Variants in FMN1 observed in about 807,000 individuals in gnomAD.
The protein encoded by FMN1 is formin-1.
In FMN1, 110 loss-of-function variants were observed where a neutral mutation model predicts 132.4. That is an observed-to-expected ratio of 0.83 (90% CI 0.71 to 0.97). FMN1 has a LOEUF of 0.97. Ranked by LOEUF, FMN1 falls within the 50% of genes least tolerant of loss-of-function variation. The pLI is 0.00. For missense variants in FMN1, 1,792 were observed against 1,705.3 expected (o/e 1.05, Z -0.90); for synonymous variants, 722 against 651.7 (o/e 1.11, Z -1.64).
intron 6 of FMN1, among the ~76,000 whole-genome samples, chr15:33,029,550 T>C (rs2035838751): frequency 6.6e-6 from 1 of 151,932 alleles, no homozygotes; most frequent in African/African-American, 2.4e-5. Context: ...GTTGTATTAG[T>C]TTTCCTCAAT....
intron 18 of FMN1, among the ~76,000 whole-genome samples, chr15:32,803,686 TA>T (rs1317621606): frequency 6.6e-6 from 1 of 152,156 alleles, no homozygotes; most frequent in Non-Finnish European, 1.5e-5. Context: ...AGGAAAGACA[TA>T]ATAAGTCTCT....
In FMN1 at chr15:33,065,001, G is replaced by A. The variant is rs761198991; in HGVS notation, c.2117C>T (p.Thr706Ile). Residue 706 changes from threonine (T) to isoleucine (I), a missense_variant, in exon 6 of 21, where the codon ACA becomes ATA. Thr to Ile is a moderately conservative substitution (Grantham distance 89). Coordinates refer to ENST00000616417, the MANE Select transcript of FMN1 (RefSeq NM_001277313.2). ...TCCCACTTTTTCTTCTGTGTCTTTT[G>A]TCTTTGGGGGTGGCCAGACAGCTTG... is the stretch of plus-strand genomic sequence containing the variant. ...RLQAVWPPPKTKDTEEKVGLK... is the reference protein window; with the variant it reads ...RLQAVWPPPKIKDTEEKVGLK... The A allele has an allele frequency of 1.3e-5, 21 of 1,611,898 alleles. No individual in the cohort carries two copies. Among genetic ancestry groups the A allele is most frequent in the Non-Finnish European group, 1.8e-5 (21 of 1,179,120 alleles).
chr15:32,952,935 C>T (rs905639939), intron 9 of FMN1, among the ~76,000 whole-genome samples: 3 of 152,130 alleles, frequency 2.0e-5, no homozygotes, highest in Non-Finnish European at 4.4e-5. Flanking sequence ...GTCTCACGTC[C>T]GTGTCAAATT....
At chr15:32,937,131 G>A (rs997695915) in intron 9 of FMN1, among the ~76,000 whole-genome samples, 1 of 152,048 alleles carries the variant, frequency 6.6e-6, no homozygotes, top group Non-Finnish European at 1.5e-5. Flanking sequence ...AAGGGTGAGG[G>A]GCAATTGCAC....
chr15:33,067,487 T>A, intron 5 of FMN1: 1 of 1,613,954 alleles, frequency 6.2e-7, no homozygotes, highest in Non-Finnish European at 8.5e-7. Context: ...ACAAATGACA[T>A]CGTCTTTTGT....
intron 9 of FMN1, among the ~76,000 whole-genome samples, chr15:32,959,918 T>C (rs1296300012): frequency 6.6e-6 from 1 of 152,190 alleles, no homozygotes; most frequent in Non-Finnish European, 1.5e-5. Context: ...CGATCCTGCA[T>C]AAGAAAGCAT....
At chr15:33,117,032 G>A (rs758011319) in intron 4 of FMN1, among the ~76,000 whole-genome samples, 4 of 152,122 alleles carry the variant, frequency 2.6e-5, no homozygotes, top group African/African-American at 4.8e-5. Context: ...AAATTTCAGA[G>A]GAGCTATGGA....
intron 4 of FMN1, among the ~76,000 whole-genome samples, chr15:33,141,218 C>G (rs11072255): frequency 0.38 from 58,111 of 151,922 alleles, 12,040 homozygotes; most frequent in South Asian, 0.49. Context: ...TGTTTTGTGC[C>G]TTTAAGAAAC....
At chr15:33,012,466 G>C (rs2034784384) in intron 6 of FMN1, 4 of 1,104,156 alleles carry the variant, frequency 3.6e-6, no homozygotes, top group African/African-American at 3.0e-5. Flanking sequence ...AGACACAGAA[G>C]AACATCACCT....
intron 4 of FMN1, among the ~76,000 whole-genome samples, chr15:33,127,177 G>GA (rs202124843): frequency 0.017 from 2,557 of 150,694 alleles, 41 homozygotes; most frequent in Non-Finnish European, 0.027. Flanking sequence ...CAGAGAGGAG[G>GA]TCAGGCCAGA....
chr15:33,025,256 A>C (rs895909893), intron 6 of FMN1, among the ~76,000 whole-genome samples: 1 of 152,194 alleles, frequency 6.6e-6, no homozygotes, highest in Non-Finnish European at 1.5e-5. Context: ...AATTAATCAA[A>C]ATGATATGAA....
chr15:32,964,365 C>G, intron 8 of FMN1, 108 bp from the exon 9 acceptor site: 1 of 804,346 alleles, frequency 1.2e-6, no homozygotes, highest in Non-Finnish European at 1.9e-6. Context: ...TCTAAAAAAA[C>G]ACATAAAACT....
chr15:33,128,742 G>A (rs1041870869), intron 4 of FMN1, among the ~76,000 whole-genome samples: 14 of 152,324 alleles, frequency 9.2e-5, no homozygotes, highest in South Asian at 4.1e-4. Context: ...AAGGTGATGT[G>A]GTGAATTTTA....
rs571638682 is a variant in FMN1, at chr15:32,962,272, G to A, written c.3138+1835C>T. Among the ~76,000 whole-genome samples the A allele has an allele frequency of 9.2e-5, 14 of 152,182 alleles. No homozygotes were observed. In the East Asian group the frequency reaches 1.5e-3, roughly 17 times the overall value. ...GGCATAAGAACAAAATTGGAAAGTC[G>A]AAAACTGGCTAGCCATATGTAGAAA... On this transcript the variant is annotated intron_variant, in intron 9 of 20. Coordinates refer to ENST00000616417, the MANE Select transcript of FMN1 (RefSeq NM_001277313.2).
chr15:33,142,124 C>G (rs1202490409), intron 4 of FMN1, among the ~76,000 whole-genome samples: 4 of 152,036 alleles, frequency 2.6e-5, no homozygotes, highest in African/African-American at 9.7e-5. Context: ...ATAACTATAC[C>G]AACAACTCCA....
chr15:33,002,418 G>T (rs757769830), intron 7 of FMN1, among the ~76,000 whole-genome samples: 12 of 152,342 alleles, frequency 7.9e-5, no homozygotes, highest in African/African-American at 2.6e-4. Context: ...ACAGGTAGGG[G>T]TGATATTCAG....
rs570237454 is a variant in FMN1, at chr15:33,161,429, C to G, written c.-131-6384G>C. On this transcript the variant is annotated intron_variant, in intron 3 of 20. Transcript: ENST00000616417. ...TAGGCGTGCCCTCTAATGAAGACCA[C>G]GCTCCTCTGGGGTAGTTCTCCTCCA... Among the ~76,000 whole-genome samples, 92 of 152,138 alleles carry G rather than the reference C, an allele frequency of 6.0e-4. 1 individual carries two copies. Among genetic ancestry groups the G allele is most frequent in the Non-Finnish European group, 1.2e-3 (81 of 68,020 alleles).
chr15:32,926,271 G>GA lies in FMN1; in HGVS notation c.3139-11dup, dbSNP rs201622952. The GA allele has an allele frequency of 0.14, 128,483 of 929,690 alleles. 664 individuals carry two copies. Among genetic ancestry groups the GA allele is most frequent in the African/African-American group, 0.22 (11,960 of 53,236 alleles). 57.6% of individuals were successfully genotyped at this position (929,690 alleles called of 1,614,324 possible). On this transcript the variant is annotated splice_polypyrimidine_tract_variant and intron_variant, in intron 9 of 20. Coordinates refer to ENST00000616417, the MANE Select transcript of FMN1 (RefSeq NM_001277313.2). ...CCAACAATTTGATGATCTAAAATTA[G>GA]AAAAAAAAAAAAAAGAATACAAGCT...
chr15:32,837,238 AT>A, intron 17 of FMN1: 1 of 230,732 alleles, frequency 4.3e-6, no homozygotes, highest in Non-Finnish European at 9.3e-6. Context: ...TACTACCAAG[AT>A]TTTGGGTGGA....
Sources: gnomAD v4.1 joint callset for allele counts (sites outside exome capture counted in the v4.1 genomes callset) on GRCh38, gnomAD v4.1.1 for gene constraint, MANE v1.5 for transcripts, NCBI Gene and HGNC (gene_info 2026-07-23, HGNC 2026-07-21) for gene names.